ZEB2: variants seen among roughly 807,000 people sequenced by gnomAD.
ZEB2 encodes the protein zinc finger E-box binding homeobox 2.
In ZEB2, 6 loss-of-function variants were observed where a neutral mutation model predicts 99.9. The ratio of observed to expected loss-of-function variants is 0.06; its 90% CI spans 0.03 to 0.12. The LOEUF (loss-of-function observed/expected upper bound fraction) is 0.12. Ranked by LOEUF, ZEB2 falls within the 10% of genes least tolerant of loss-of-function variation. ZEB2 has a pLI of 1.00. For missense variants in ZEB2, 969 were observed against 1,502.8 expected (o/e 0.64, Z 5.87); for synonymous variants, 517 against 542.5 (o/e 0.95, Z 0.65).
In ZEB2 at chr2:144,403,955, G is replaced by A. The variant is rs370751674; in HGVS notation, c.768C>T (p.Leu256=). The A allele has an allele frequency of 5.3e-5, 85 of 1,613,978 alleles. No individual in the cohort carries two copies. Among genetic ancestry groups the A allele is most frequent in the Non-Finnish European group, 6.9e-5 (82 of 1,180,026 alleles). ...GCTTGTGTGTCACCATATGCCGCTC[G>A]AGCTGGGTGCGGTAGGCAAACGTGT... ...CSYTFAYRTQ[L]ERHMVTHKPG... Residue 256 remains leucine (L), a synonymous_variant, in exon 6 of 10, where the codon CTC becomes CTT. Coordinates refer to ENST00000627532, the MANE Select transcript of ZEB2 (RefSeq NM_014795.4).
chr2:144,403,293 A>T (rs1703337385), intron 6 of ZEB2, among the ~76,000 whole-genome samples: 1 of 152,224 alleles, frequency 6.6e-6, no homozygotes, highest in Non-Finnish European at 1.5e-5. Context: ...GAGTAATTTT[A>T]ACATTTAGCT....
chr2:144,434,234 C>T (rs1027111846), intron 2 of ZEB2, among the ~76,000 whole-genome samples: 9 of 152,144 alleles, frequency 5.9e-5, no homozygotes, highest in Non-Finnish European at 1.3e-4. Flanking sequence ...ATAATGATTT[C>T]CTATAACTCT....
intron 2 of ZEB2, among the ~76,000 whole-genome samples, chr2:144,515,307 G>T (rs1198172163): frequency 6.6e-6 from 1 of 151,956 alleles, no homozygotes; most frequent in East Asian, 1.9e-4. Flanking sequence ...TTGTAAGAGG[G>T]GGAAAAAAGC....
In ZEB2 at chr2:144,490,590, T is replaced by A. The variant is rs186914023; in HGVS notation, c.73+26688A>T. ...ATCCTGCCATCATTTCTACTACGTT[T>A]TCTAGGATTTACATCTGAGCCATAA... On this transcript the variant is annotated intron_variant, in intron 2 of 9. Transcript: ENST00000627532. Among the ~76,000 whole-genome samples, 2 of 152,322 alleles carry A rather than the reference T, an allele frequency of 1.3e-5. 1 individual carries two copies. Among genetic ancestry groups the A allele is most frequent in the Admixed American group, 1.3e-4 (2 of 15,310 alleles).
intron 2 of ZEB2, among the ~76,000 whole-genome samples, chr2:144,436,460 C>T (rs887744981): frequency 6.6e-6 from 1 of 152,054 alleles, no homozygotes; most frequent in East Asian, 1.9e-4. Flanking sequence ...TAAAAAAATA[C>T]GCATATTAAA....
intron 4 of ZEB2, among the ~76,000 whole-genome samples, chr2:144,412,890 C>T (rs1703484535): frequency 6.6e-6 from 1 of 152,110 alleles, no homozygotes; most frequent in Admixed American, 6.5e-5. Context: ...ATATGTTATT[C>T]AGCTTTGTGT....
At chr2:144,473,376 T>C (rs1704385672) in intron 2 of ZEB2, among the ~76,000 whole-genome samples, 1 of 152,142 alleles carries the variant, frequency 6.6e-6, no homozygotes, top group Non-Finnish European at 1.5e-5. Flanking sequence ...AGGTCTCTTG[T>C]GGGAAGAGTG....
At chr2:144,499,519 T>G (rs1362817899) in intron 2 of ZEB2, among the ~76,000 whole-genome samples, 2 of 152,210 alleles carry the variant, frequency 1.3e-5, no homozygotes, top group Non-Finnish European at 2.9e-5. Flanking sequence ...TGAAAAACAG[T>G]TAATTTCTGT....
rs1703231649 is a variant in ZEB2, at chr2:144,396,523, G to T, written c.2956C>A (p.Leu986Met). The change falls in exon 9 of 10, where the codon CTG (leucine) becomes ATG (methionine). Residue 986 changes from leucine (L) to methionine (M), a missense_variant. This residue lies in a region of ZEB2 where 346 missense variants were observed against 460.0 expected (regional missense o/e 0.75). Coordinates refer to ENST00000627532, the MANE Select transcript of ZEB2 (RefSeq NM_014795.4). Reference protein sequence around the residue: ...LDDMTDSDSCLSRKKIKKTES... With the variant: ...LDDMTDSDSCMSRKKIKKTES... ...GTCTTCTTGATCTTTTTGCGAGACA[G>T]ACAGGAGTCGGAGTCTGTCATATCA... 6.2e-7 allele frequency: 1 copy of T among 1,614,104 alleles called. No individual in the cohort carries two copies. The highest frequency in any genetic ancestry group is 2.2e-5 in the East Asian group (1 of 44,872).
chr2:144,468,099 A>G (rs1003591133), intron 2 of ZEB2, among the ~76,000 whole-genome samples: 2 of 152,080 alleles, frequency 1.3e-5, no homozygotes, highest in African/African-American at 2.4e-5. Flanking sequence ...GGCAAATGGA[A>G]AAAGAGGCAC....
intron 2 of ZEB2, among the ~76,000 whole-genome samples, chr2:144,473,874 A>G (rs1259242264): frequency 6.6e-6 from 1 of 152,192 alleles, no homozygotes; most frequent in Non-Finnish European, 1.5e-5. Flanking sequence ...ATTTTCTTTA[A>G]AAAATAAGAT....
At chr2:144,514,939 C>T (rs970655008) in intron 2 of ZEB2, among the ~76,000 whole-genome samples, 5 of 152,312 alleles carry the variant, frequency 3.3e-5, no homozygotes, top group Non-Finnish European at 5.9e-5. Context: ...ACATCTCTGG[C>T]ACTCCATTCC....
At chr2:144,500,226 A>G (rs1704848629) in intron 2 of ZEB2, among the ~76,000 whole-genome samples, 1 of 152,156 alleles carries the variant, frequency 6.6e-6, no homozygotes, top group Non-Finnish European at 1.5e-5. Context: ...TGGGCAAGAC[A>G]TCTTAGGCAG....
At chr2:144,396,358 T>C (rs1299541673) in intron 9 of ZEB2, 54 bp downstream of exon 9, 1 of 1,594,856 alleles carries the variant, frequency 6.3e-7, no homozygotes, top group South Asian at 1.1e-5. Flanking sequence ...TTAAATATTA[T>C]GAAATGTACA....
intron 2 of ZEB2, among the ~76,000 whole-genome samples, chr2:144,437,256 C>A (rs1007450900): frequency 1.3e-5 from 2 of 152,178 alleles, no homozygotes; most frequent in Non-Finnish European, 2.9e-5. Flanking sequence ...AAAAGTCTAA[C>A]AGCACCTTCA....
intron 2 of ZEB2, among the ~76,000 whole-genome samples, chr2:144,484,783 G>T (rs1478818361): frequency 6.6e-6 from 1 of 151,902 alleles, no homozygotes; most frequent in Non-Finnish European, 1.5e-5. Flanking sequence ...ATTGCCAGGG[G>T]AATGTCAGTA....
chr2:144,487,476 G>GA (rs149786757), intron 2 of ZEB2, among the ~76,000 whole-genome samples: 1 of 150,900 alleles, frequency 6.6e-6, no homozygotes, highest in African/African-American at 2.4e-5. Context: ...CAAAAAAGGA[G>GA]AAAAAAAGAA....
Position 144,492,147 on chromosome 2 carries a change from A to G in ZEB2, c.73+25131T>C, listed in dbSNP as rs556642720. Among the ~76,000 whole-genome samples, 4 of 152,344 alleles carry G rather than the reference A, an allele frequency of 2.6e-5. No individual in the cohort carries two copies. In the South Asian group the frequency reaches 8.3e-4, roughly 32 times the overall value. ...CAGAAACACCAAAGTGCTTCACTAA[A>G]AAAGATGATGGGAACAAAGAAACCG... is the stretch of plus-strand genomic sequence containing the variant. On this transcript the variant is annotated intron_variant, in intron 2 of 9. Transcript: ENST00000627532.
At chr2:144,471,068 T>TG (rs936401187) in intron 2 of ZEB2, among the ~76,000 whole-genome samples, 2 of 152,150 alleles carry the variant, frequency 1.3e-5, no homozygotes, top group Non-Finnish European at 1.5e-5. Context: ...TGAACACAAA[T>TG]GCTTTATTTC....
Sources: allele counts gnomAD v4.1 joint callset (sites outside exome capture counted in the v4.1 genomes callset), GRCh38; gene constraint gnomAD v4.1.1; regional missense constraint gnomAD v4.1.1; transcripts MANE v1.5; gene names NCBI Gene and HGNC (gene_info 2026-07-23, HGNC 2026-07-21).